IL7: variants seen among roughly 807,000 people sequenced by gnomAD.
IL7 encodes the protein interleukin-7.
A neutral mutation model predicts 21.6 loss-of-function variants in IL7; 3 were observed. That is an observed-to-expected ratio of 0.14 (90% confidence interval 0.06 to 0.36). The LOEUF (loss-of-function observed/expected upper bound fraction) is 0.36. Ranked by LOEUF, IL7 falls within the 10% of genes least tolerant of loss-of-function variation. The pLI is 1.00. For missense variants in IL7, 175 were observed against 200.2 expected, an observed-to-expected ratio of 0.87 and a Z score of 0.76; for synonymous variants, 62 against 68.1, an observed-to-expected ratio of 0.91 and a Z score of 0.44.
At chr8:78,769,028 G>A (rs1435164527) in intron 2 of IL7, among the ~76,000 whole-genome samples, 27 of 152,198 alleles carry the variant, frequency 1.8e-4, no homozygotes, top group African/African-American at 3.4e-4. Context: ...TTGATGGGAC[G>A]TATCTCAAAA....
At chr8:78,758,151 C>T (rs1248055786) in intron 2 of IL7, among the ~76,000 whole-genome samples, 1 of 152,032 alleles carries the variant, frequency 6.6e-6, no homozygotes, top group Non-Finnish European at 1.5e-5. Context: ...AGTGTCTTTA[C>T]CCATGATGTG....
rs920404324 is a variant in IL7 at position 78,723,261 on chromosome 8, C to T, written n.268-1821G>A. Among the ~76,000 whole-genome samples the T allele has an allele frequency of 2.6e-5, 4 of 151,762 alleles. No homozygotes were observed. The East Asian group carries it at 5.8e-4, about 22-fold the overall frequency. On this transcript the variant is annotated intron_variant and non_coding_transcript_variant, in intron 3 of 6. Transcript: ENST00000519833. ...AAAAATAGCTTTTAATTATGTTTGT[C>T]GACTCTTTTATTCAATAAACATTTA...
intron 2 of IL7, among the ~76,000 whole-genome samples, chr8:78,784,498 A>G (rs550442308): frequency 6.6e-6 from 1 of 152,322 alleles, no homozygotes; most frequent in East Asian, 1.9e-4. Flanking sequence ...TACTATATAC[A>G]CGATATAACA....
intron 2 of IL7, among the ~76,000 whole-genome samples, chr8:78,771,605 C>G (rs1187383573): frequency 6.6e-6 from 1 of 152,078 alleles, no homozygotes; most frequent in Non-Finnish European, 1.5e-5. Flanking sequence ...TTCTAAGCCA[C>G]AGTTGAAAGC....
intron 2 of IL7, among the ~76,000 whole-genome samples, chr8:78,753,284 G>A (rs1344128496): frequency 6.6e-6 from 1 of 152,166 alleles, no homozygotes; most frequent in East Asian, 1.9e-4. Context: ...TCTAACTGGT[G>A]TGAGATGATA....
intron 4 of IL7, among the ~76,000 whole-genome samples, chr8:78,682,793 T>C (rs567433591): frequency 6.6e-6 from 1 of 152,284 alleles, no homozygotes; most frequent in Admixed American, 6.5e-5. Flanking sequence ...ACAAGGCAAG[T>C]TTCTTCTGCC....
In IL7 at chr8:78,732,816, A is replaced by T. The variant is rs1048944968; in HGVS notation, c.*897T>A. 1 of 152,184 alleles carries T rather than the reference A, an allele frequency of 6.6e-6. No homozygotes were observed. Among genetic ancestry groups the T allele is most frequent in the Non-Finnish European group, 1.5e-5 (1 of 68,010 alleles). The allele number at this position is 152,184 out of a possible 1,614,324, so 9.4% of individuals were successfully genotyped here. A position where few individuals can be genotyped will look rare whatever the true frequency, so the allele number is the denominator to read the frequency against. On this transcript the variant is annotated 3_prime_UTR_variant, in exon 6 of 6. Coordinates refer to ENST00000263851, the MANE Select transcript of IL7 (RefSeq NM_000880.4). ...TTTTATCAAAGGAGAAATGTATTCC[A>T]AAGTAAGCAATTTGTAATGCTGTAT...
At chr8:78,794,136 T>A (rs2130836267) in intron 2 of IL7, among the ~76,000 whole-genome samples, 1 of 152,262 alleles carries the variant, frequency 6.6e-6, no homozygotes, top group Middle Eastern at 3.4e-3. Context: ...CCTGTTAATG[T>A]GGATATTTTG....
chr8:78,792,519 C>T (rs76400922), intron 2 of IL7, among the ~76,000 whole-genome samples: 9,844 of 151,900 alleles, frequency 0.065, 523 homozygotes, highest in East Asian at 0.28. Flanking sequence ...AATATAATAT[C>T]TGATAAAGGT....
intron 2 of IL7, among the ~76,000 whole-genome samples, chr8:78,792,311 G>A (rs1034101682): frequency 6.6e-6 from 1 of 152,144 alleles, no homozygotes; most frequent in Non-Finnish European, 1.5e-5. Flanking sequence ...ACCAACATGT[G>A]AGACTGAAAC....
chr8:78,759,443 G>A (rs535364638), intron 2 of IL7, among the ~76,000 whole-genome samples: 36 of 151,950 alleles, frequency 2.4e-4, no homozygotes, highest in Admixed American at 3.9e-4. Context: ...CAAATCAGTT[G>A]TCAGTATCCA....
At chr8:78,697,992 GT>G (rs1441557856) in intron 3 of IL7, among the ~76,000 whole-genome samples, 1 of 151,948 alleles carries the variant, frequency 6.6e-6, no homozygotes, top group African/African-American at 2.4e-5. Context: ...CTTTTTTGTT[GT>G]TTTTTTCAGC....
chr8:78,776,360 C>T (rs1244197703), intron 2 of IL7, among the ~76,000 whole-genome samples: 1 of 152,076 alleles, frequency 6.6e-6, no homozygotes, highest in Non-Finnish European at 1.5e-5. Flanking sequence ...TCATGCTACT[C>T]AGAACGGCAC....
intron 2 of IL7, among the ~76,000 whole-genome samples, chr8:78,776,290 G>T (rs1281610966): frequency 6.6e-6 from 1 of 152,082 alleles, no homozygotes; most frequent in Non-Finnish European, 1.5e-5. Flanking sequence ...GCCCGGTTCT[G>T]CTAGACAAAG....
At chr8:78,753,677 G>T (rs1030319345) in intron 2 of IL7, among the ~76,000 whole-genome samples, 5 of 152,058 alleles carry the variant, frequency 3.3e-5, no homozygotes, top group African/African-American at 1.2e-4. Flanking sequence ...GTATTGCCTA[G>T]GTTTTCTTCT....
chr8:78,699,501 GCAGGTTTGTTA>G (rs1169312142), intron 3 of IL7, among the ~76,000 whole-genome samples: 1 of 152,028 alleles, frequency 6.6e-6, no homozygotes, highest in Non-Finnish European at 1.5e-5. Context: ...GGATACAAGT[GCAGGTTTGTTA>G]CATAGGTAAA....
downstream of IL7, among the ~76,000 whole-genome samples, chr8:78,717,014 A>G (rs558277130): frequency 3.4e-5 from 5 of 147,102 alleles, no homozygotes; most frequent in South Asian, 1.1e-3. Flanking sequence ...ACTGTGAGTC[A>G]GTTAAACCTC....
intron 3 of IL7, among the ~76,000 whole-genome samples, chr8:78,689,582 T>C (rs1810141940): frequency 6.6e-6 from 1 of 151,988 alleles, no homozygotes; most frequent in Non-Finnish European, 1.5e-5. Flanking sequence ...GAAGGGGCAA[T>C]TGTTCCCTTT....
intron 2 of IL7, among the ~76,000 whole-genome samples, chr8:78,793,458 A>C (rs1261801326): frequency 2.6e-5 from 4 of 152,166 alleles, no homozygotes; most frequent in Admixed American, 6.6e-5. Flanking sequence ...TGTTTACACT[A>C]TACTGTAGTC....
Sources: gnomAD v4.1 joint callset for allele counts (sites outside exome capture counted in the v4.1 genomes callset) on GRCh38, gnomAD v4.1.1 for gene constraint, MANE v1.5 for transcripts, NCBI Gene and HGNC (gene_info 2026-07-23, HGNC 2026-07-21) for gene names.